Variants in DPP6 observed in about 807,000 individuals in gnomAD.
DPP6 encodes the protein A-type potassium channel modulatory protein DPP6.
DPP6 carries 69 observed loss-of-function variants against 122.6 expected under a neutral mutation model. The observed-to-expected ratio is 0.56, with a 90% CI of 0.46 to 0.69. DPP6 has a LOEUF of 0.69. DPP6 is among the 30% of genes least tolerant of loss of function. DPP6 has a pLI of 0.00. For missense variants in DPP6, 928 were observed against 1,116.9 expected (o/e 0.83, Z 2.41); for synonymous variants, 418 against 433.1 (o/e 0.97, Z 0.43).
chr7:154,753,621 C>A (rs571993851), intron 8 of DPP6, among the ~76,000 whole-genome samples: 1 of 152,208 alleles, frequency 6.6e-6, no homozygotes, highest in Non-Finnish European at 1.5e-5. Context: ...GGAATCGACA[C>A]CCTCATTCTC....
At chr7:154,220,704 A>G (rs1284186603) in intron 1 of DPP6, among the ~76,000 whole-genome samples, 1 of 152,218 alleles carries the variant, frequency 6.6e-6, no homozygotes, top group African/African-American at 2.4e-5. Context: ...GTGAAAAAAT[A>G]CATTCCTGTT....
chr7:154,806,836 C>T (rs1004176227), intron 15 of DPP6, among the ~76,000 whole-genome samples, 158 bp from the exon 16 acceptor site: 1 of 152,214 alleles, frequency 6.6e-6, no homozygotes, highest in African/African-American at 2.4e-5. Context: ...TGGGTGGTCT[C>T]AGGGGCTCCA....
intron 13 of DPP6, 46 bp from the exon 14 acceptor site, chr7:154,803,818 C>T (rs1248944296): frequency 5.0e-6 from 8 of 1,591,240 alleles, no homozygotes; most frequent in Non-Finnish European, 6.9e-6. Flanking sequence ...CATGCTGGGG[C>T]CGGGACACCG....
At chr7:153,819,891 T>C in the DPP6 span, among the ~76,000 whole-genome samples, 2 of 152,228 alleles carry the variant, frequency 1.3e-5, no homozygotes, top group Non-Finnish European at 2.9e-5. Flanking sequence ...ATTTTTGGCC[T>C]CTTTTTCTTC....
At chr7:153,893,002 G>T (rs907520698) in intron 1 of DPP6, among the ~76,000 whole-genome samples, 4 of 152,148 alleles carry the variant, frequency 2.6e-5, no homozygotes, top group Non-Finnish European at 5.9e-5. Flanking sequence ...AATCCTCCTT[G>T]CAGGATTTAT....
At chr7:153,957,564 A>G (rs1037755893) in intron 1 of DPP6, among the ~76,000 whole-genome samples, 2 of 152,136 alleles carry the variant, frequency 1.3e-5, no homozygotes, top group Non-Finnish European at 2.9e-5. Context: ...ATGGCAAGTG[A>G]GGGCGAGAAG....
chr7:154,093,275 TCATACACAC>T (rs989567540), intron 1 of DPP6, among the ~76,000 whole-genome samples: 1 of 141,388 alleles, frequency 7.1e-6, no homozygotes, highest in African/African-American at 2.7e-5. Flanking sequence ...CCTACATACA[TCATACACAC>T]CATACACACA....
At chr7:153,987,558 A>ATT (rs56178380) in intron 1 of DPP6, among the ~76,000 whole-genome samples, 1 of 148,732 alleles carries the variant, frequency 6.7e-6, no homozygotes, top group South Asian at 2.1e-4. Flanking sequence ...AATTCAAACC[A>ATT]TTTTTTTTTT....
In DPP6 at chr7:154,147,648, TTGTGTGTGTGTGTG is replaced by T. The variant is rs370147218; in HGVS notation, c.243+94601_243+94614del. On this transcript the variant is annotated intron_variant, in intron 1 of 25. Coordinates refer to ENST00000377770, the MANE Select transcript of DPP6 (RefSeq NM_130797.4). Reference sequence around the variant, plus strand: ...GCACCCACCACTATACCCAGCTAATTTGTGTGTGTGTGTGTGTGTGTGTGTGTGTATATATGTAT... The same window carrying T: ...GCACCCACCACTATACCCAGCTAATTTGTGTGTGTGTGTGTATATATGTAT... 3.3e-3 allele frequency among the ~76,000 whole-genome samples: 478 copies of T among 146,470 alleles called. 6 individuals carry two copies. Among genetic ancestry groups the T allele is most frequent in the African/African-American group, 0.012 (448 of 38,886 alleles).
rs1805029041 is a variant in DPP6, at chr7:154,877,894, ATGGGTGGG to A, written c.2078+1798_2078+1805del. Among the ~76,000 whole-genome samples the A allele has an allele frequency of 2.6e-5, 4 of 151,984 alleles. No homozygotes were observed. In the South Asian group the frequency reaches 8.3e-4, roughly 32 times the overall value. On this transcript the variant is annotated intron_variant, in intron 20 of 25. Transcript: ENST00000377770. This position sits in a 1 kb window ranked among gnomAD's most constrained non-coding sequence, Gnocchi z 5.2. ...TGCTGGGGTTCAGTGTGGAAGGAGG[ATGGGTGGG>A]TGGCTGCTGGGTCAGCAGCGGGCAG... is the stretch of plus-strand genomic sequence containing the variant.
At chr7:154,716,540 T>C (rs924693308) in intron 7 of DPP6, among the ~76,000 whole-genome samples, 2 of 152,172 alleles carry the variant, frequency 1.3e-5, no homozygotes, top group Non-Finnish European at 2.9e-5. Context: ...CCAGCTATAG[T>C]TTACTGCCCC....
chr7:154,756,750 C>G (rs1463823081), intron 8 of DPP6, among the ~76,000 whole-genome samples: 1 of 152,172 alleles, frequency 6.6e-6, no homozygotes, highest in Non-Finnish European at 1.5e-5. Context: ...TGGCCTCCAC[C>G]TGATGATAGC....
intron 16 of DPP6, chr7:154,838,531 G>A (rs1342001730): frequency 6.6e-6 from 1 of 152,138 alleles, no homozygotes; most frequent in Non-Finnish European, 1.5e-5. Flanking sequence ...CACAGAACGT[G>A]TACGTGGCTT....
At chr7:153,979,210 C>G (rs1023963020) in intron 1 of DPP6, among the ~76,000 whole-genome samples, 1 of 152,056 alleles carries the variant, frequency 6.6e-6, no homozygotes, top group Non-Finnish European at 1.5e-5. Context: ...TGTGTCCTCT[C>G]TTATTTCCTT....
At chr7:153,933,765 T>TC (rs1419818963) in intron 1 of DPP6, among the ~76,000 whole-genome samples, 32 of 151,498 alleles carry the variant, frequency 2.1e-4, no homozygotes, top group Admixed American at 7.2e-4. Flanking sequence ...CCCTTTTAGT[T>TC]CCCCCCCAGC....
chr7:154,382,161 G>C (rs1311050993), intron 1 of DPP6, among the ~76,000 whole-genome samples: 1 of 149,738 alleles, frequency 6.7e-6, no homozygotes, highest in Non-Finnish European at 1.5e-5. Context: ...TTGCTTGCGA[G>C]TGACTCCCTC....
intron 22 of DPP6, 111 bp downstream of exon 22, chr7:154,885,855 G>A: frequency 7.0e-7 from 1 of 1,434,436 alleles, no homozygotes; most frequent in South Asian, 1.3e-5. Context: ...CTAACCACAG[G>A]TGCCTCCAGG....
chr7:153,869,631 G>A, the DPP6 span, among the ~76,000 whole-genome samples: 1 of 152,116 alleles, frequency 6.6e-6, no homozygotes, highest in Non-Finnish European at 1.5e-5. Context: ...CTTTTAATCG[G>A]AGCATTTAGC....
intron 3 of DPP6, among the ~76,000 whole-genome samples, chr7:154,535,025 A>G (rs1020769953): frequency 5.3e-5 from 8 of 152,166 alleles, no homozygotes; most frequent in Non-Finnish European, 1.2e-4. Context: ...ACACAGATCA[A>G]TGGAATGGGA....
Sources: gnomAD v4.1 joint callset for allele counts (sites outside exome capture counted in the v4.1 genomes callset) on GRCh38, gnomAD v4.1.1 for gene constraint, Gnocchi (gnomAD v3.1) non-coding constraint, MANE v1.5 for transcripts, NCBI Gene and HGNC (gene_info 2026-07-23, HGNC 2026-07-21) for gene names.